Variants in ABCC1 observed in about 807,000 individuals in gnomAD.
The protein encoded by ABCC1 is multidrug resistance-associated protein 1.
In ABCC1, 83 loss-of-function variants were observed where a neutral mutation model predicts 172.9. That is an observed-to-expected ratio of 0.48 (90% CI 0.40 to 0.58). ABCC1 has a LOEUF of 0.58. ABCC1 is among the 20% of genes least tolerant of loss of function. The probability of loss-of-function intolerance (pLI) is 0.00; values close to 1 mark genes in which losing one functional copy is unlikely to be tolerated. For missense variants in ABCC1, 1,817 were observed against 2,002.7 expected (o/e 0.91, Z 1.77); for synonymous variants, 937 against 825.2 (o/e 1.14, Z -2.32).
chr16:15,959,557 C>G (rs887198851), intron 1 of ABCC1, among the ~76,000 whole-genome samples: 11 of 152,154 alleles, frequency 7.2e-5, no homozygotes, highest in African/African-American at 2.7e-4. Flanking sequence ...AACTCCTGGG[C>G]TCAAGCGATC....
intron 1 of ABCC1, among the ~76,000 whole-genome samples, chr16:15,984,704 A>G (rs1334963002): frequency 6.6e-6 from 1 of 152,126 alleles, no homozygotes; most frequent in Non-Finnish European, 1.5e-5. Context: ...TTGGCCTCCC[A>G]AAGTGCTGAG....
At chr16:16,064,894 T>C (rs745479721) in intron 12 of ABCC1, among the ~76,000 whole-genome samples, 30 of 152,284 alleles carry the variant, frequency 2.0e-4, no homozygotes, top group Middle Eastern at 6.8e-3. Flanking sequence ...TAAATCCTAG[T>C]GCTAGAGAAA....
rs769264477 is a variant in ABCC1 at position 16,007,888 on chromosome 16, G to T, written c.121G>T (p.Val41Leu). 3.7e-6 allele frequency: 6 copies of T among 1,613,570 alleles called. No homozygotes were observed. The highest frequency in any genetic ancestry group is 5.1e-6 in the Non-Finnish European group (6 of 1,179,870). ...CTTTCAGAACACGGTCCTCGTGTGG[G>T]TGCCTTGTTTTTACCTCTGGGCCTG... is the stretch of plus-strand genomic sequence containing the variant. ...KCFQNTVLVW[V>L]PCFYLWACFP... The change falls in exon 2 of 31, where the codon GTG becomes TTG. Residue 41 changes from valine to leucine, a missense_variant. Around this residue, in one of 3 missense-constraint regions of ABCC1, gnomAD observed 398 missense variants for 384.2 expected, o/e 1.04. Transcript: ENST00000399410.
intron 21 of ABCC1, among the ~76,000 whole-genome samples, chr16:16,108,668 T>C (rs559271692): frequency 1.1e-4 from 17 of 151,036 alleles, no homozygotes; most frequent in African/African-American, 3.9e-4. Context: ...CAATCATGGC[T>C]AACTGCAGCC....
intron 1 of ABCC1, among the ~76,000 whole-genome samples, chr16:15,953,103 A>C (rs1416742285): frequency 6.6e-6 from 1 of 152,122 alleles, no homozygotes; most frequent in East Asian, 1.9e-4. Context: ...TGGGAGGCCA[A>C]GGCAGGCGGA....
chr16:16,087,589 C>T (rs1192118583), intron 18 of ABCC1, among the ~76,000 whole-genome samples: 1 of 152,178 alleles, frequency 6.6e-6, no homozygotes, highest in Admixed American at 6.5e-5. Context: ...TCCCAAGTAG[C>T]TGGGATTACA....
chr16:15,949,706 C>G lies in ABCC1; in HGVS notation c.-46C>G. 1 of 1,087,596 alleles carries G rather than the reference C, an allele frequency of 9.2e-7. No homozygotes were observed. The highest frequency in any genetic ancestry group is 1.1e-6 in the Non-Finnish European group (1 of 894,618). The allele number at this position is 1,087,596 out of a possible 1,614,324, so 67.4% of individuals were successfully genotyped here. ...GCCGCCGCCCGCGCCAGCAACCGGG[C>G]CCGATCACCCGCCGCCCGGTGCCCG... On this transcript the variant is annotated 5_prime_UTR_variant, in exon 1 of 31. Transcript: ENST00000399410.
intron 12 of ABCC1, among the ~76,000 whole-genome samples, chr16:16,062,890 T>G (rs1411075157): frequency 6.6e-6 from 1 of 152,196 alleles, no homozygotes; most frequent in Non-Finnish European, 1.5e-5. Flanking sequence ...TAATGCACTT[T>G]CCTAAAATAG....
At chr16:16,056,810 AT>A (rs35419413) in intron 12 of ABCC1, among the ~76,000 whole-genome samples, 19,681 of 152,090 alleles carry the variant, frequency 0.13, 1,432 homozygotes, top group Admixed American at 0.16. Context: ...TTCGTTATCT[AT>A]TTACTGTGAT....
Position 16,008,112 on chromosome 16 carries a change from A to G in ABCC1, c.225+120A>G, listed in dbSNP as rs1254191824. Reference sequence around the variant, plus strand: ...TTGACCCTAAGTTCCTTCTTCTAGAAGGCAGAAGAATAATGTGGGAGGTGA... The same window carrying G: ...TTGACCCTAAGTTCCTTCTTCTAGAGGGCAGAAGAATAATGTGGGAGGTGA... On this transcript the variant is annotated intron_variant, in intron 2 of 30. Coordinates refer to ENST00000399410, the MANE Select transcript of ABCC1 (RefSeq NM_004996.4). 10 of 1,033,716 alleles carry G rather than the reference A, an allele frequency of 9.7e-6. No homozygotes were observed. The East Asian group carries it at 1.5e-4, about 16-fold the overall frequency. The allele number at this position is 1,033,716 out of a possible 1,614,324, so 64.0% of individuals were successfully genotyped here.
chr16:16,050,794 C>T (rs1048983543), intron 10 of ABCC1, among the ~76,000 whole-genome samples: 17 of 150,336 alleles, frequency 1.1e-4, no homozygotes, highest in African/African-American at 2.9e-4. Flanking sequence ...TCCCAGCTAC[C>T]GTGGAGGCTG....
chr16:15,956,636 C>T (rs544159816), intron 1 of ABCC1, among the ~76,000 whole-genome samples: 1 of 152,126 alleles, frequency 6.6e-6, no homozygotes, highest in East Asian at 1.9e-4. Context: ...TGCACTTGGC[C>T]TAACTCATAC....
In ABCC1 at chr16:16,111,471, C is replaced by T; in HGVS notation, c.2968C>T (p.Leu990=). 1 of 1,614,208 alleles carries T rather than the reference C, an allele frequency of 6.2e-7. No individual in the cohort carries two copies. The highest frequency in any genetic ancestry group is 8.5e-7 in the Non-Finnish European group (1 of 1,180,032). Reference sequence around the variant, plus strand: ...TTTCATGTGTAACCATGTGTCCGCGCTGGCTTCCAACTATTGGCTCAGCCT... The same window carrying T: ...TTTCATGTGTAACCATGTGTCCGCGTTGGCTTCCAACTATTGGCTCAGCCT... ...FLFMCNHVSA[L]ASNYWLSLWT... The change falls in exon 22 of 31, where the codon CTG becomes TTG. Residue 990 remains leucine, a synonymous_variant. Coordinates refer to ENST00000399410, the MANE Select transcript of ABCC1 (RefSeq NM_004996.4).
chr16:16,036,713 G>A (rs1361053240), intron 7 of ABCC1, 110 bp downstream of exon 7: 22 of 1,230,830 alleles, frequency 1.8e-5, no homozygotes, highest in African/African-American at 3.0e-5. Context: ...CTAGCTTTGT[G>A]GTTCTGGGCA....
intron 5 of ABCC1, among the ~76,000 whole-genome samples, chr16:16,030,639 G>C (rs1482483813): frequency 6.6e-6 from 1 of 151,670 alleles, no homozygotes; most frequent in African/African-American, 2.4e-5. Flanking sequence ...CTTCTGCTTG[G>C]CTCTTGAGCC....
chr16:16,109,369 G>T (rs1309217239), intron 21 of ABCC1, among the ~76,000 whole-genome samples: 1 of 152,048 alleles, frequency 6.6e-6, no homozygotes, highest in East Asian at 1.9e-4. Flanking sequence ...TAGAGACAGG[G>T]TCTTACTGTG....
intron 1 of ABCC1, among the ~76,000 whole-genome samples, chr16:15,958,889 G>A (rs915631621): frequency 6.6e-6 from 1 of 152,156 alleles, no homozygotes; most frequent in African/African-American, 2.4e-5. Flanking sequence ...TTGTGGCCTG[G>A]TTGCTGTTCT....
intron 7 of ABCC1, 126 bp from the exon 8 acceptor site, chr16:16,044,324 C>A (rs1402634163): frequency 1.7e-5 from 14 of 841,944 alleles, no homozygotes; most frequent in Non-Finnish European, 2.5e-5. Context: ...TGAGCTGCCT[C>A]TTTCCCTGGG....
Position 15,977,558 on chromosome 16 carries a change from A to G in ABCC1, c.48+27759A>G, listed in dbSNP as rs948261931. Among the ~76,000 whole-genome samples the G allele has an allele frequency of 9.2e-5, 14 of 151,778 alleles. No homozygotes were observed. In the South Asian group the frequency reaches 1.0e-3, roughly 11 times the overall value. On this transcript the variant is annotated intron_variant, in intron 1 of 30. Transcript: ENST00000399410. ...GCTTATACCCCCTAAGCTTGTGACT[A>G]TCTTCTATGTGTGTCCCTCTTGGAG...
Sources: gnomAD v4.1 joint callset for allele counts (sites outside exome capture counted in the v4.1 genomes callset) on GRCh38, gnomAD v4.1.1 for gene constraint, gnomAD v4.1.1 regional missense constraint, MANE v1.5 for transcripts, NCBI Gene and HGNC (gene_info 2026-07-23, HGNC 2026-07-21) for gene names.